NRG3: variants seen among roughly 807,000 people sequenced by gnomAD.
The protein encoded by NRG3 is pro-neuregulin-3, membrane-bound isoform.
NRG3 carries 31 observed loss-of-function variants against 66.9 expected under a neutral mutation model. The observed-to-expected ratio is 0.46, with a 90% CI of 0.35 to 0.63. The LOEUF (loss-of-function observed/expected upper bound fraction) is 0.63, where lower values mean the gene tolerates loss of function less well. NRG3 is among the 20% of genes least tolerant of loss of function. The pLI is 0.00. For missense variants in NRG3, 910 were observed against 878.9 expected, an observed-to-expected ratio of 1.04 and a Z score of -0.45; for synonymous variants, 393 against 359.4, an observed-to-expected ratio of 1.09 and a Z score of -1.06.
intron 3 of NRG3, among the ~76,000 whole-genome samples, chr10:82,825,840 T>C (rs2062178998): frequency 6.6e-6 from 1 of 152,208 alleles, no homozygotes; most frequent in Admixed American, 6.5e-5. Context: ...TATAATTATG[T>C]TTGGTCCAGG....
chr10:82,333,084 G>T (rs186995244), intron 1 of NRG3, among the ~76,000 whole-genome samples: 1 of 152,304 alleles, frequency 6.6e-6, no homozygotes, highest in Admixed American at 6.5e-5. Context: ...TTTCAGTTTT[G>T]CAGTGAAGTG....
At chr10:82,143,385 A>G (rs1303128792) in intron 1 of NRG3, among the ~76,000 whole-genome samples, 3 of 152,170 alleles carry the variant, frequency 2.0e-5, no homozygotes, top group African/African-American at 7.2e-5. Flanking sequence ...CTTATTGAGC[A>G]TGATTAGGTG....
chr10:82,414,558 G>A (rs1423208510), intron 2 of NRG3, among the ~76,000 whole-genome samples: 1 of 152,176 alleles, frequency 6.6e-6, no homozygotes, highest in East Asian at 1.9e-4. Context: ...CTTCCTCGAT[G>A]CAGGGTTGTC....
intron 1 of NRG3, among the ~76,000 whole-genome samples, chr10:82,145,431 G>A (rs1482399206): frequency 6.6e-6 from 1 of 152,074 alleles, no homozygotes; most frequent in Non-Finnish European, 1.5e-5. Context: ...CTGTAAAATG[G>A]GAATATCAAA....
rs1230773411 is a variant in NRG3, at chr10:82,426,463, C to A, written c.953+67595C>A. Among the ~76,000 whole-genome samples, 7 of 148,960 alleles carry A rather than the reference C, an allele frequency of 4.7e-5. No individual in the cohort carries two copies. In the East Asian group the frequency reaches 1.4e-3, roughly 29 times the overall value. ...TTGTTTGCCCTGTGACCTAAATTCT[C>A]TGATATATCTAAGAAAAGTTATCTA... On this transcript the variant is annotated intron_variant, in intron 2 of 8. Coordinates refer to ENST00000372141, the MANE Select transcript of NRG3 (RefSeq NM_001010848.4).
chr10:82,282,069 T>G (rs1229247935), intron 1 of NRG3, among the ~76,000 whole-genome samples: 1 of 151,868 alleles, frequency 6.6e-6, no homozygotes, highest in Non-Finnish European at 1.5e-5. Flanking sequence ...TCTACAGAAG[T>G]CAAGCAGAAA....
At chr10:82,950,610 T>G (rs1405732701) in intron 4 of NRG3, among the ~76,000 whole-genome samples, 1 of 152,210 alleles carries the variant, frequency 6.6e-6, no homozygotes, top group East Asian at 1.9e-4. Flanking sequence ...AGGGATAAAG[T>G]AAATAGAGTA....
At chr10:82,275,944 T>C (rs2078829020) in intron 1 of NRG3, among the ~76,000 whole-genome samples, 1 of 151,984 alleles carries the variant, frequency 6.6e-6, no homozygotes, top group African/African-American at 2.4e-5. Flanking sequence ...GTGATATTAT[T>C]AATGCTTTAA....
intron 1 of NRG3, among the ~76,000 whole-genome samples, chr10:82,263,749 C>T (rs1490235328): frequency 1.3e-5 from 2 of 152,036 alleles, no homozygotes; most frequent in Non-Finnish European, 2.9e-5. Flanking sequence ...GACATGTAGC[C>T]ATTTATTTCA....
intron 3 of NRG3, among the ~76,000 whole-genome samples, chr10:82,851,050 A>G (rs1030795588): frequency 3.9e-5 from 6 of 152,232 alleles, no homozygotes; most frequent in Admixed American, 3.9e-4. Context: ...CGACTTTATA[A>G]TATTGCTGTA....
intron 2 of NRG3, among the ~76,000 whole-genome samples, chr10:82,435,765 G>GTTTCC (rs1564918593): frequency 3.6e-5 from 5 of 138,972 alleles, no homozygotes; most frequent in African/African-American, 1.3e-4. Context: ...TTTTGAGTGA[G>GTTTCC]TTTCTTTTCT....
chr10:82,929,314 T>G (rs1157667144), intron 4 of NRG3, among the ~76,000 whole-genome samples: 2 of 152,162 alleles, frequency 1.3e-5, no homozygotes, highest in Non-Finnish European at 2.9e-5. Flanking sequence ...GAAGTTGTGC[T>G]TTGAGCCACT....
intron 1 of NRG3, among the ~76,000 whole-genome samples, chr10:82,063,509 G>T (rs1376800921): frequency 7.1e-5 from 2 of 28,246 alleles, no homozygotes; most frequent in African/African-American, 3.5e-4. Flanking sequence ...GGCAGGAAAA[G>T]ATCTTTTTTT....
chr10:82,235,898 C>G (rs2076727122), intron 1 of NRG3, among the ~76,000 whole-genome samples: 1 of 152,032 alleles, frequency 6.6e-6, no homozygotes, highest in Non-Finnish European at 1.5e-5. Context: ...AGACTTGCCT[C>G]CTTGATTTTT....
chr10:82,427,083 G>A (rs2089497310), intron 2 of NRG3, among the ~76,000 whole-genome samples: 1 of 147,606 alleles, frequency 6.8e-6, no homozygotes, highest in South Asian at 2.1e-4. Context: ...GGGTATGTGT[G>A]GGTGTGCATT....
chr10:81,876,820 A>C (rs1841706516), intron 1 of NRG3, among the ~76,000 whole-genome samples: 1 of 152,098 alleles, frequency 6.6e-6, no homozygotes, highest in Admixed American at 6.5e-5. Flanking sequence ...GCCTGTGGCC[A>C]TTCCAAGGTG....
intron 1 of NRG3, among the ~76,000 whole-genome samples, chr10:82,270,489 A>G (rs7068667): frequency 0.14 from 21,550 of 152,076 alleles, 1,654 homozygotes; most frequent in East Asian, 0.24. Context: ...ATGATATGGA[A>G]TCTATGTTTT....
chr10:82,305,558 T>A (rs2080676730), intron 1 of NRG3, among the ~76,000 whole-genome samples: 2 of 152,118 alleles, frequency 1.3e-5, no homozygotes, highest in African/African-American at 2.4e-5. Flanking sequence ...TTACTCAGAC[T>A]CCTTTGGTTT....
At chr10:82,134,606 C>G (rs1287028186) in intron 1 of NRG3, among the ~76,000 whole-genome samples, 1 of 151,862 alleles carries the variant, frequency 6.6e-6, no homozygotes, top group Non-Finnish European at 1.5e-5. Flanking sequence ...CTGTTCTGTT[C>G]TATTGGTCTG....
Sources: gnomAD v4.1 joint callset for allele counts (sites outside exome capture counted in the v4.1 genomes callset) on GRCh38, gnomAD v4.1.1 for gene constraint, MANE v1.5 for transcripts, NCBI Gene and HGNC (gene_info 2026-07-23, HGNC 2026-07-21) for gene names.